CCDC88C: variants seen among roughly 807,000 people sequenced by gnomAD.
The protein encoded by CCDC88C is protein Daple.
Under a neutral mutation model 198.8 loss-of-function variants are expected in CCDC88C, and 131 were observed. The observed-to-expected ratio is 0.66, with a 90% confidence interval of 0.57 to 0.76. The LOEUF is 0.76. CCDC88C is among the 30% of genes least tolerant of loss of function. The pLI, the probability that CCDC88C is intolerant of heterozygous loss-of-function variation, is 0.00. For missense variants in CCDC88C, 2,553 were observed against 2,631.6 expected, an observed-to-expected ratio of 0.97 and a Z score of 0.65; for synonymous variants, 1,166 against 1,114.7, an observed-to-expected ratio of 1.05 and a Z score of -0.92.
At chr14:91,340,559 C>T (rs1175281320) in intron 6 of CCDC88C, among the ~76,000 whole-genome samples, 2 of 152,184 alleles carry the variant, frequency 1.3e-5, no homozygotes, top group African/African-American at 4.8e-5. Flanking sequence ...GCCCCTTTCA[C>T]TGGCCAGGGA....
intron 16 of CCDC88C, 71 bp from the exon 17 acceptor site, chr14:91,308,563 C>G: frequency 3.4e-6 from 5 of 1,452,670 alleles, no homozygotes; most frequent in Non-Finnish European, 4.8e-6. Context: ...GTCCTCGCTG[C>G]CAACACATCA....
chr14:91,335,265 A>C (rs944409748), intron 10 of CCDC88C, among the ~76,000 whole-genome samples: 15 of 151,982 alleles, frequency 9.9e-5, no homozygotes, highest in African/African-American at 3.6e-4. Context: ...AATGTTCTGA[A>C]ACACCCCACG....
chr14:91,346,340 G>A (rs1242367495), intron 4 of CCDC88C, among the ~76,000 whole-genome samples: 1 of 152,230 alleles, frequency 6.6e-6, no homozygotes, highest in Non-Finnish European at 1.5e-5. Flanking sequence ...CAGGGTCTAA[G>A]GCCACTTTCC....
chr14:91,283,293 C>T (rs1317647618), intron 26 of CCDC88C, 36 bp downstream of exon 26: 1 of 1,599,946 alleles, frequency 6.3e-7, no homozygotes, highest in Non-Finnish European at 8.5e-7. Context: ...GACACTAGGC[C>T]CGACGCTCAT....
rs1190533500 is a variant in CCDC88C, at chr14:91,308,710, C to T, written c.2865-218G>A. 2.6e-5 allele frequency among the ~76,000 whole-genome samples: 4 copies of T among 152,198 alleles called. No individual in the cohort carries two copies. In the East Asian group the frequency reaches 7.7e-4, roughly 29 times the overall value. On this transcript the variant is annotated intron_variant, in intron 16 of 29. Coordinates refer to ENST00000389857, the MANE Select transcript of CCDC88C (RefSeq NM_001080414.4). ...CCTGTGAAACCTTCAAAGGCGACAC[C>T]ACGGCTACAGTTTTACAGTCACTGT... is the stretch of plus-strand genomic sequence containing the variant.
chr14:91,281,215 A>G, intron 27 of CCDC88C: 2 of 1,001,544 alleles, frequency 2.0e-6, no homozygotes, highest in Non-Finnish European at 2.9e-6. Flanking sequence ...AGGCATGAAG[A>G]GGAGAGGTCG....
At chr14:91,298,244 C>G (rs184955871) in intron 21 of CCDC88C, among the ~76,000 whole-genome samples, 2 of 151,952 alleles carry the variant, frequency 1.3e-5, no homozygotes, top group Admixed American at 1.3e-4. Context: ...CCAGCCTAGG[C>G]GACATAGTGA....
intron 4 of CCDC88C, among the ~76,000 whole-genome samples, chr14:91,347,734 T>C: frequency 6.6e-6 from 1 of 152,198 alleles, no homozygotes. Flanking sequence ...ACACTGTTGG[T>C]GGGACTGTAA....
intron 25 of CCDC88C, among the ~76,000 whole-genome samples, chr14:91,287,696 G>A (rs1890475180): frequency 8.5e-6 from 1 of 117,598 alleles, no homozygotes; most frequent in Non-Finnish European, 1.6e-5. Context: ...ACTTGTGAAT[G>A]TGCCCCCTGA....
At chr14:91,323,677 G>C (rs1352188826) in intron 12 of CCDC88C, among the ~76,000 whole-genome samples, 1 of 152,212 alleles carries the variant, frequency 6.6e-6, no homozygotes, top group Non-Finnish European at 1.5e-5. Context: ...AATCGGTGAG[G>C]CCTTCTCACC....
intron 14 of CCDC88C, 102 bp from the exon 15 acceptor site, chr14:91,314,252 G>C: frequency 1.1e-6 from 1 of 930,272 alleles, no homozygotes; most frequent in Non-Finnish European, 1.6e-6. Context: ...TTGAACGGCT[G>C]TCCTACCTGT....
At chr14:91,372,203 G>T (rs746877702) in intron 3 of CCDC88C, among the ~76,000 whole-genome samples, 1 of 152,004 alleles carries the variant, frequency 6.6e-6, no homozygotes, top group African/African-American at 2.4e-5. Context: ...CAGTTGGGAG[G>T]TGGAGGGTAT....
At chr14:91,372,742 T>C (rs116619950) in intron 3 of CCDC88C, among the ~76,000 whole-genome samples, 5,956 of 152,088 alleles carry the variant, frequency 0.039, 418 homozygotes, top group African/African-American at 0.14. Context: ...AGCAGCAGCT[T>C]TGGAGTCCCC....
intron 4 of CCDC88C, among the ~76,000 whole-genome samples, chr14:91,357,212 A>C (rs2139898721): frequency 6.6e-6 from 1 of 152,322 alleles, no homozygotes; most frequent in Non-Finnish European, 1.5e-5. Flanking sequence ...AAATGGGCGC[A>C]GCCACACCAC....
chr14:91,290,469 AG>A (rs1300009685), intron 24 of CCDC88C, among the ~76,000 whole-genome samples: 1 of 152,222 alleles, frequency 6.6e-6, no homozygotes, highest in Non-Finnish European at 1.5e-5. Context: ...CAGCACTGCT[AG>A]GGTGGGCCAG....
At chr14:91,359,986 A>G (rs1894232700) in intron 3 of CCDC88C, among the ~76,000 whole-genome samples, 1 of 152,254 alleles carries the variant, frequency 6.6e-6, no homozygotes, top group Non-Finnish European at 1.5e-5. Flanking sequence ...TATTTAAAAA[A>G]TAAAATGAAA....
chr14:91,307,209 C>A lies in CCDC88C; in HGVS notation c.3024G>T (p.Glu1008Asp), dbSNP rs984156880. ...CCTCTCCCTGGTTCTGCCTGAGGGTCTCACACTCCTTCTTTAGCTACAGGT... is the reference window on the plus strand; with the variant it reads ...CCTCTCCCTGGTTCTGCCTGAGGGTATCACACTCCTTCTTTAGCTACAGGT... ...SELQMLKKEC[E>D]TLRQNQGEGQ... Residue 1008 changes from glutamate to aspartate, a missense_variant, in exon 18 of 30, where the codon GAG (glutamate) becomes GAT (aspartate). Physicochemically the swap from Glu to Asp is conservative, Grantham distance 45 (BLOSUM62 2). Around this residue, in one of 2 missense-constraint regions of CCDC88C, gnomAD observed 1,260 missense variants for 1,412.0 expected, o/e 0.89. Transcript: ENST00000389857. The A allele has an allele frequency of 1.2e-6, 2 of 1,613,500 alleles. No individual in the cohort carries two copies. Among genetic ancestry groups the A allele is most frequent in the African/African-American group, 2.7e-5 (2 of 74,914 alleles).
intron 2 of CCDC88C, among the ~76,000 whole-genome samples, chr14:91,411,273 A>AC (rs1761037291): frequency 6.6e-6 from 1 of 152,164 alleles, no homozygotes; most frequent in African/African-American, 2.4e-5. Flanking sequence ...ATCAAGAGAC[A>AC]TGGGTTCTAG....
At chr14:91,406,220 G>A (rs144207816) in intron 3 of CCDC88C, among the ~76,000 whole-genome samples, 23 of 152,348 alleles carry the variant, frequency 1.5e-4, no homozygotes, top group African/African-American at 5.5e-4. Context: ...GACCCTCAGA[G>A]TGGCTGGTCA....
Sources: gnomAD v4.1 joint callset for allele counts (sites outside exome capture counted in the v4.1 genomes callset) on GRCh38, gnomAD v4.1.1 for gene constraint, gnomAD v4.1.1 regional missense constraint, MANE v1.5 for transcripts, NCBI Gene and HGNC (gene_info 2026-07-23, HGNC 2026-07-21) for gene names.